The following ALCAM variants were observed in gnomAD, a reference collection of about 807,000 sequenced individuals.
ALCAM encodes the protein activated leukocyte cell adhesion molecule.
In ALCAM, 30 loss-of-function variants were observed where a neutral mutation model predicts 70.9. The ratio of observed to expected loss-of-function variants is 0.42; its 90% confidence interval spans 0.32 to 0.57. ALCAM has a LOEUF of 0.57. Among genes scored for constraint, ALCAM ranks in the 20% least tolerant of loss-of-function variants. The probability of loss-of-function intolerance (pLI) is 0.11; values close to 1 mark genes in which losing one functional copy is unlikely to be tolerated. For missense variants in ALCAM, 591 were observed against 695.1 expected (o/e 0.85, Z 1.68); for synonymous variants, 249 against 242.5 (o/e 1.03, Z -0.25).
chr3:105,532,067 G>T lies in ALCAM; in HGVS notation c.459+1G>T. 1 of 1,612,658 alleles carries T rather than the reference G, an allele frequency of 6.2e-7. No homozygotes were observed. The highest frequency in any genetic ancestry group is 8.5e-7 in the Non-Finnish European group (1 of 1,179,132). ...TCTCGAAACAGAGCAGCTAAAAAAG[G>T]TAAGAATTGTTTTTGATTAATACCT... On this transcript the variant is annotated splice_donor_variant, in intron 4 of 15. Coordinates refer to ENST00000306107, the MANE Select transcript of ALCAM (RefSeq NM_001627.4). LOFTEE classifies it high-confidence loss of function.
At chr3:105,434,766 G>A (rs1011219853) in intron 1 of ALCAM, among the ~76,000 whole-genome samples, 2 of 151,992 alleles carry the variant, frequency 1.3e-5, no homozygotes, top group African/African-American at 4.8e-5. Flanking sequence ...GTTTATATTG[G>A]AATTTTGAAG....
At chr3:105,416,067 A>G (rs949923867) in intron 1 of ALCAM, among the ~76,000 whole-genome samples, 2 of 152,008 alleles carry the variant, frequency 1.3e-5, no homozygotes, top group Non-Finnish European at 2.9e-5. Flanking sequence ...CCCCAAATTC[A>G]GCCCATTTTT....
intron 1 of ALCAM, among the ~76,000 whole-genome samples, chr3:105,392,160 G>T (rs1228337177): frequency 6.6e-6 from 1 of 151,922 alleles, no homozygotes; most frequent in Non-Finnish European, 1.5e-5. Flanking sequence ...GCTCCTCTTT[G>T]TACCTTCAGT....
At chr3:105,434,890 T>G (rs1171183633) in intron 1 of ALCAM, among the ~76,000 whole-genome samples, 1 of 152,200 alleles carries the variant, frequency 6.6e-6, no homozygotes, top group Non-Finnish European at 1.5e-5. Context: ...AACCAGTTTC[T>G]TCATGTGAAA....
intron 7 of ALCAM, 72 bp from the exon 8 acceptor site, chr3:105,541,561 T>G: frequency 6.7e-7 from 1 of 1,500,342 alleles, no homozygotes; most frequent in Non-Finnish European, 9.1e-7. Flanking sequence ...AATGCTATCT[T>G]CATCAAGAAA....
intron 1 of ALCAM, among the ~76,000 whole-genome samples, chr3:105,398,096 A>G (rs1201612553): frequency 6.6e-6 from 1 of 152,098 alleles, no homozygotes; most frequent in African/African-American, 2.4e-5. Context: ...TGACATCTAC[A>G]GTTTCAGATT....
chr3:105,410,018 A>C (rs1352468779), intron 1 of ALCAM, among the ~76,000 whole-genome samples: 1 of 152,076 alleles, frequency 6.6e-6, no homozygotes, highest in African/African-American at 2.4e-5. Context: ...TCCATAGCTT[A>C]CATTAGGGTT....
At chr3:105,539,442 G>T (rs1346918168) in intron 6 of ALCAM, among the ~76,000 whole-genome samples, 1 of 151,968 alleles carries the variant, frequency 6.6e-6, no homozygotes, top group Non-Finnish European at 1.5e-5. Context: ...TTCTCCCTCA[G>T]TTCATAGGAT....
chr3:105,571,786 A>T, intron 14 of ALCAM, 66 bp from the exon 15 acceptor site: 1 of 1,216,412 alleles, frequency 8.2e-7, no homozygotes, highest in Non-Finnish European at 1.2e-6. Context: ...TTCAAATCTT[A>T]AAATTAAATA....
At position 105,403,871 on chromosome 3, in the gene ALCAM, A is replaced by T. The variant is rs1373125240; in HGVS notation, c.73+36390A>T. ...ATATGAAAGGAAAATTCTTCAGTGA[A>T]ATAGATAGCATAAATAAAAAACAAT... On this transcript the variant is annotated intron_variant, in intron 1 of 15. Coordinates refer to ENST00000306107, the MANE Select transcript of ALCAM (RefSeq NM_001627.4). Among the ~76,000 whole-genome samples, 4 of 151,784 alleles carry T rather than the reference A, an allele frequency of 2.6e-5. No individual in the cohort carries two copies. In the East Asian group the frequency reaches 7.8e-4, roughly 30 times the overall value.
intron 1 of ALCAM, among the ~76,000 whole-genome samples, chr3:105,394,509 A>C (rs1935901037): frequency 6.6e-6 from 1 of 151,996 alleles, no homozygotes; most frequent in African/African-American, 2.4e-5. Context: ...TACATTTACC[A>C]AAACTGCAGG....
In ALCAM at chr3:105,404,952, G is replaced by A. The variant is rs551501399; in HGVS notation, c.73+37471G>A. On this transcript the variant is annotated intron_variant, in intron 1 of 15. Coordinates refer to ENST00000306107, the MANE Select transcript of ALCAM (RefSeq NM_001627.4). ...AGGATTAGCTGTTCTTATGTCAGAC[G>A]AAACAAACTTTAAAGCAACAGCAGT... 5.5e-4 allele frequency among the ~76,000 whole-genome samples: 84 copies of A among 152,114 alleles called. 1 individual carries two copies. Among genetic ancestry groups the A allele is most frequent in the African/African-American group, 1.9e-3 (78 of 41,490 alleles).
intron 1 of ALCAM, among the ~76,000 whole-genome samples, chr3:105,471,858 G>A (rs115325608): frequency 0.015 from 2,325 of 151,072 alleles, 25 homozygotes; most frequent in Middle Eastern, 0.048. Context: ...CATTATTAAC[G>A]CTAGTCCCCA....
intron 15 of ALCAM, among the ~76,000 whole-genome samples, chr3:105,574,068 T>C (rs912547120): frequency 2.0e-5 from 3 of 152,194 alleles, no homozygotes; most frequent in African/African-American, 4.8e-5. Flanking sequence ...TCTAGGGTTC[T>C]TTTCCCCAGT....
intron 1 of ALCAM, among the ~76,000 whole-genome samples, chr3:105,430,315 G>T (rs1458096885): frequency 6.6e-6 from 1 of 151,418 alleles, no homozygotes; most frequent in African/African-American, 2.4e-5. Context: ...TCCTTTTTCT[G>T]TGACATTTAC....
At chr3:105,551,349 T>A (rs547425854) in intron 12 of ALCAM, among the ~76,000 whole-genome samples, 184 of 151,726 alleles carry the variant, frequency 1.2e-3, no homozygotes, top group Middle Eastern at 6.8e-3. Flanking sequence ...ACCCATTGAA[T>A]GGTATGCTTC....
intron 1 of ALCAM, among the ~76,000 whole-genome samples, chr3:105,432,260 A>AT (rs1008389891): frequency 2.0e-4 from 31 of 152,148 alleles, no homozygotes; most frequent in Non-Finnish European, 4.0e-4. Context: ...ATCAAATCCT[A>AT]TTTTTTTCTG....
intron 1 of ALCAM, among the ~76,000 whole-genome samples, chr3:105,483,744 A>G (rs1938342046): frequency 6.6e-6 from 1 of 152,168 alleles, no homozygotes; most frequent in Non-Finnish European, 1.5e-5. Flanking sequence ...GCAGGAGATC[A>G]AGATACCATG....
intron 14 of ALCAM, among the ~76,000 whole-genome samples, chr3:105,563,482 G>C (rs1460860309): frequency 6.7e-6 from 1 of 150,348 alleles, no homozygotes; most frequent in African/African-American, 2.4e-5. Flanking sequence ...TAAAAATTTT[G>C]ATTCTTAGTA....
Sources: gnomAD v4.1 joint callset for allele counts (sites outside exome capture counted in the v4.1 genomes callset) on GRCh38, gnomAD v4.1.1 for gene constraint, MANE v1.5 for transcripts, NCBI Gene and HGNC (gene_info 2026-07-23, HGNC 2026-07-21) for gene names.